CROCC: variants seen among roughly 807,000 people sequenced by gnomAD.
CROCC encodes rootletin.
In CROCC, 180 loss-of-function variants were observed where a neutral mutation model predicts 245.2. The observed-to-expected ratio is 0.73, with a 90% confidence interval of 0.65 to 0.83. CROCC has a LOEUF of 0.83. Among genes scored for constraint, CROCC ranks in the 40% least tolerant of loss-of-function variants. The probability of loss-of-function intolerance (pLI) is 0.00; values close to 1 mark genes in which losing one functional copy is unlikely to be tolerated. For missense variants in CROCC, 2,688 were observed against 2,779.4 expected (o/e 0.97, Z 0.74); for synonymous variants, 1,205 against 1,241.6 (o/e 0.97, Z 0.62).
At position 16,954,169 on chromosome 1, in the gene CROCC, A is replaced by G. The variant is rs536612991; in HGVS notation, c.3187-54A>G. On this transcript the variant is annotated intron_variant, in intron 21 of 36. Coordinates refer to ENST00000375541, the MANE Select transcript of CROCC (RefSeq NM_014675.5). The surrounding 1 kb of genome is among the most constrained non-coding windows in gnomAD (Gnocchi z 4.4). Reference sequence around the variant, plus strand: ...TTCCTAGGCAGCAAGAAGCCTGAGCATGCCCCCAGGACCAGCCCATCCCCC... The same window carrying G: ...TTCCTAGGCAGCAAGAAGCCTGAGCGTGCCCCCAGGACCAGCCCATCCCCC... 2.4e-4 allele frequency: 361 copies of G among 1,533,742 alleles called. 1 individual carries two copies. The Middle Eastern group carries it at 3.4e-3, about 14-fold the overall frequency.
rs1361598299 is a variant in CROCC, at chr1:16,958,595, G to A, written c.3877G>A (p.Asp1293Asn). ...QELRRQMKML[D>N]SENTRLGREL... ...CGTGCTCTCACAGATGAAGATGCTG[G>A]ACAGTGAGAACACCAGACTGGGCCG... Residue 1293 changes from aspartate to asparagine, a missense_variant, in exon 26 of 37, where the codon GAC (aspartate) becomes AAC (asparagine). This residue lies in a region of CROCC where 1,218 missense variants were observed against 1,286.3 expected (regional missense o/e 0.95). Transcript: ENST00000375541. 6.4e-7 allele frequency: 1 copy of A among 1,552,950 alleles called. No homozygotes were observed. Among genetic ancestry groups the A allele is most frequent in the Admixed American group, 2.0e-5 (1 of 51,268 alleles).
At chr1:16,971,412 G>A (rs2100565834) in intron 35 of CROCC, 53 bp from the exon 36 acceptor site, 15 of 1,476,058 alleles carry the variant, frequency 1.0e-5, no homozygotes, top group Admixed American at 2.2e-5. Flanking sequence ...CGTCACACAT[G>A]CACACACACA....
rs148395884 is a variant in CROCC, at chr1:16,939,900, C to A, written c.1615C>A (p.Arg539Ser). 3.1e-6 allele frequency: 5 copies of A among 1,612,072 alleles called. No individual in the cohort carries two copies. The Admixed American group carries it at 6.7e-5, about 21-fold the overall frequency. ...HKRQLQVQDM[R>S]GRYEASQDLL... ...GTGACCCCCCACACCCCAGGACATG[C>A]GTGGGCGCTATGAGGCAAGCCAGGA... The change falls in exon 13 of 37, where the codon CGT (arginine) becomes AGT (serine). Residue 539 changes from arginine (R) to serine (S), a missense_variant. By Grantham distance (110) the Arg-to-Ser change is moderately radical. Transcript: ENST00000375541.
At chr1:16,933,405 T>G (rs2075722099) in intron 8 of CROCC, among the ~76,000 whole-genome samples, 1 of 152,256 alleles carries the variant, frequency 6.6e-6, no homozygotes, top group Non-Finnish European at 1.5e-5. Context: ...AGGCGGAGGT[T>G]TCAGTGAGCC....
intron 32 of CROCC, 49 bp from the exon 33 acceptor site, chr1:16,969,736 T>C (rs767761180): frequency 6.3e-7 from 1 of 1,577,122 alleles, no homozygotes; most frequent in Non-Finnish European, 8.6e-7. Flanking sequence ...TAGAGAGGAC[T>C]CCTTAGGGCT....
chr1:16,937,167 G>C (rs6678790), intron 9 of CROCC, among the ~76,000 whole-genome samples: 6 of 152,182 alleles, frequency 3.9e-5, no homozygotes, highest in Admixed American at 6.5e-5. Flanking sequence ...CAGCCTGTCC[G>C]ACAGGCAAAA....
intron 10 of CROCC, 61 bp from the exon 11 acceptor site, chr1:16,938,339 A>G: frequency 6.9e-7 from 1 of 1,456,790 alleles, no homozygotes; most frequent in South Asian, 1.3e-5. Context: ...AGGGAGGGAA[A>G]GGGGAGGTTT....
At position 16,957,576 on chromosome 1, in the gene CROCC, G is replaced by A. The variant is rs573874037; in HGVS notation, c.3865-1007G>A. On this transcript the variant is annotated intron_variant, in intron 25 of 36. Coordinates refer to ENST00000375541, the MANE Select transcript of CROCC (RefSeq NM_014675.5). Reference sequence around the variant, plus strand: ...TCCTGACTCAGCCTCCCAAGTAGCTGGGATTACAGATGCCCGCCACCACAC... The same window carrying A: ...TCCTGACTCAGCCTCCCAAGTAGCTAGGATTACAGATGCCCGCCACCACAC... 2.6e-4 allele frequency among the ~76,000 whole-genome samples: 39 copies of A among 152,120 alleles called. No individual in the cohort carries two copies. In the South Asian group the frequency reaches 6.4e-3, roughly 25 times the overall value.
chr1:16,915,068 T>C (rs1406501520), intron 1 of CROCC, among the ~76,000 whole-genome samples: 1 of 151,924 alleles, frequency 6.6e-6, no homozygotes, highest in African/African-American at 2.4e-5. Context: ...TTTCCCTGAC[T>C]TAACCCTCCC....
rs1230944224 is a variant in CROCC at position 16,929,717 on chromosome 1, C to T, written c.352-129C>T. 7.8e-6 allele frequency: 11 copies of T among 1,418,862 alleles called. No individual in the cohort carries two copies. The African/African-American group carries it at 1.4e-4, about 19-fold the overall frequency. 87.9% of individuals were successfully genotyped at this position (1,418,862 alleles called of 1,614,324 possible). On this transcript the variant is annotated intron_variant, in intron 3 of 36. Transcript: ENST00000375541. ...CCCCTGGGCTTGCCCACATGTGCTG[C>T]TCCCCAGGGCGCCAGGCTATCAGCC...
chr1:16,970,541 T>G, intron 34 of CROCC, 88 bp downstream of exon 34: 1 of 1,477,222 alleles, frequency 6.8e-7, no homozygotes, highest in Admixed American at 2.4e-5. Flanking sequence ...CTGCTACCTC[T>G]GGTGGGGTTA....
intron 35 of CROCC, 83 bp from the exon 36 acceptor site, chr1:16,971,382 C>T (rs1401791388): frequency 1.2e-5 from 18 of 1,445,814 alleles, no homozygotes; most frequent in Non-Finnish European, 1.5e-5. Flanking sequence ...GGCCGTGTCC[C>T]AGGGAGGTAC....
rs551912873 is a variant in CROCC at position 16,943,753 on chromosome 1, T to C, written c.1809-347T>C. ...CAGAATTGAGGGGCATGGGGTGTTA[T>C]AGGGGACATTTCCTGGTCACATGGC... On this transcript the variant is annotated intron_variant, in intron 13 of 36. Coordinates refer to ENST00000375541, the MANE Select transcript of CROCC (RefSeq NM_014675.5). 5.3e-5 allele frequency among the ~76,000 whole-genome samples: 8 copies of C among 152,376 alleles called. No individual in the cohort carries two copies. In the East Asian group the frequency reaches 5.8e-4, roughly 11 times the overall value.
chr1:16,917,122 A>C (rs370567234), upstream of CROCC, among the ~76,000 whole-genome samples: 52 of 152,268 alleles, frequency 3.4e-4, no homozygotes, highest in African/African-American at 1.2e-3. Flanking sequence ...CATCTCAAAA[A>C]CAAAACAAAA....
At position 16,930,277 on chromosome 1, in the gene CROCC, C is replaced by G. The variant is rs201562985; in HGVS notation, c.622-9C>G. The G allele has an allele frequency of 6.3e-5, 101 of 1,599,928 alleles. No individual in the cohort carries two copies. The highest frequency in any genetic ancestry group is 4.7e-4 in the East Asian group (21 of 44,424). On this transcript the variant is annotated splice_polypyrimidine_tract_variant and intron_variant, in intron 5 of 36. Coordinates refer to ENST00000375541, the MANE Select transcript of CROCC (RefSeq NM_014675.5). ...CCCAACCTGATGCTTTAACCTCTCT[C>G]CCACCCAGGACACAGAGCACAGCCA... is the stretch of plus-strand genomic sequence containing the variant.
chr1:16,945,138 CAGG>C (rs1570652585), intron 14 of CROCC, among the ~76,000 whole-genome samples: 1 of 152,278 alleles, frequency 6.6e-6, no homozygotes, highest in East Asian at 1.9e-4. Flanking sequence ...GAGGCTGAGG[CAGG>C]AGAATTGCTT....
chr1:16,971,216 T>A (rs1355143750), intron 35 of CROCC, among the ~76,000 whole-genome samples: 1 of 38,028 alleles, frequency 2.6e-5, no homozygotes. Context: ...TCTGAGTGTG[T>A]GTGTGTGTGT....
chr1:16,954,903 G>T lies in CROCC; in HGVS notation c.3465+26G>T. On this transcript the variant is annotated intron_variant, in intron 23 of 36. Transcript: ENST00000375541. This position sits in a 1 kb window ranked among gnomAD's most constrained non-coding sequence, Gnocchi z 4.4. Reference sequence around the variant, plus strand: ...GTGAGCAGCCGCCCCCCTCTTCCAAGCAGCATACCCTAAATGGCACTGTGT... The same window carrying T: ...GTGAGCAGCCGCCCCCCTCTTCCAATCAGCATACCCTAAATGGCACTGTGT... 1 of 1,507,190 alleles carries T rather than the reference G, an allele frequency of 6.6e-7. No homozygotes were observed. The allele number at this position is 1,507,190 out of a possible 1,614,324, so 93.4% of individuals were successfully genotyped here. A position where few individuals can be genotyped will look rare whatever the true frequency, so the allele number is the denominator to read the frequency against.
chr1:16,960,983 G>C lies in CROCC; in HGVS notation c.4258G>C (p.Ala1420Pro), dbSNP rs1412454396. 2 of 1,343,074 alleles carry C rather than the reference G, an allele frequency of 1.5e-6. No homozygotes were observed. The highest frequency in any genetic ancestry group is 1.9e-6 in the Non-Finnish European group (2 of 1,054,862). 83.2% of individuals were successfully genotyped at this position (1,343,074 alleles called of 1,614,324 possible). A position where few individuals can be genotyped will look rare whatever the true frequency, so the allele number is the denominator to read the frequency against. ...GGCACAAGGCCTGGAGGCCGAGCTG[G>C]CCCGCGTGGAGGTGCAGCGGCGCGC... is the stretch of plus-strand genomic sequence containing the variant. ...GRAQGLEAEL[A>P]RVEVQRRAAE... Residue 1420 changes from alanine to proline, a missense_variant, in exon 27 of 37, where the codon GCC becomes CCC. This residue lies in a region of CROCC where 1,218 missense variants were observed against 1,286.3 expected (regional missense o/e 0.95). Transcript: ENST00000375541.
Sources: gnomAD v4.1 joint callset for allele counts (sites outside exome capture counted in the v4.1 genomes callset) on GRCh38, gnomAD v4.1.1 for gene constraint, gnomAD v4.1.1 regional missense constraint, Gnocchi (gnomAD v3.1) non-coding constraint, MANE v1.5 for transcripts, NCBI Gene and HGNC (gene_info 2026-07-23, HGNC 2026-07-21) for gene names.